The following USF3 variants were observed in gnomAD, a reference collection of about 807,000 sequenced individuals.
USF3 encodes the protein basic helix-loop-helix domain-containing protein USF3.
A neutral mutation model predicts 157.5 loss-of-function variants in USF3; 29 were observed. That is an observed-to-expected ratio of 0.18 (90% CI 0.14 to 0.25). The LOEUF is 0.25. Ranked by LOEUF, USF3 falls within the 10% of genes least tolerant of loss-of-function variation. The pLI is 1.00. For missense variants in USF3, 2,381 were observed against 2,667.6 expected, an observed-to-expected ratio of 0.89 and a Z score of 2.37; for synonymous variants, 893 against 941.4, an observed-to-expected ratio of 0.95 and a Z score of 0.94.
chr3:113,667,268 T>C (rs1303510799), intron 5 of USF3, among the ~76,000 whole-genome samples: 1 of 152,234 alleles, frequency 6.6e-6, no homozygotes, highest in Non-Finnish European at 1.5e-5. Context: ...CACCTGTCCC[T>C]CTACTGCAGA....
Position 113,655,759 on chromosome 3 carries a change from G to A in USF3, c.5923C>T (p.Pro1975Ser). 2 of 1,614,032 alleles carry A rather than the reference G, an allele frequency of 1.2e-6. No homozygotes were observed. Among genetic ancestry groups the A allele is most frequent in the Non-Finnish European group, 1.7e-6 (2 of 1,179,988 alleles). The change falls in exon 7 of 7, where the codon CCC becomes TCC. Residue 1975 changes from proline (P) to serine (S), a missense_variant. Pro to Ser is a moderately conservative substitution (Grantham distance 74, BLOSUM62 -1). Around this residue, in one of 6 missense-constraint regions of USF3, gnomAD observed 770 missense variants for 824.2 expected, o/e 0.93. Transcript: ENST00000316407. ...PAVRQANSSV[P>S]QRSRHPLQDS... ...TGCAGGGGATGCCTTGATCTCTGGG[G>A]AACTGAAGAATTAGCTTGACGTACA...
chr3:113,679,977 C>G (rs1350507179), intron 1 of USF3, among the ~76,000 whole-genome samples: 1 of 141,958 alleles, frequency 7.0e-6, no homozygotes, highest in Non-Finnish European at 1.5e-5. Flanking sequence ...GAGTTTCGCT[C>G]TTTTTGCCCA....
intron 5 of USF3, among the ~76,000 whole-genome samples, chr3:113,667,860 G>A (rs890430189): frequency 8.2e-5 from 12 of 145,744 alleles, no homozygotes; most frequent in African/African-American, 3.1e-4. Context: ...GAGTGAGACT[G>A]TCTCAAAACA....
chr3:113,691,358 A>T (rs1262889798), intron 1 of USF3, among the ~76,000 whole-genome samples: 1 of 151,594 alleles, frequency 6.6e-6, no homozygotes, highest in Non-Finnish European at 1.5e-5. Context: ...CTTCTTATTC[A>T]CTCTTCAACC....
intron 1 of USF3, among the ~76,000 whole-genome samples, chr3:113,694,453 T>C (rs1251899459): frequency 1.3e-5 from 2 of 152,234 alleles, no homozygotes; most frequent in African/African-American, 2.4e-5. Context: ...AGATAAGTAC[T>C]TCAATTCTAA....
At chr3:113,669,931 TTTGACC>T (rs1707110242) in intron 5 of USF3, among the ~76,000 whole-genome samples, 184 bp downstream of exon 5, 1 of 152,176 alleles carries the variant, frequency 6.6e-6, no homozygotes, top group Admixed American at 6.5e-5. Context: ...ATATGGTACA[TTTGACC>T]ATGAAGAAAC....
chr3:113,669,327 A>G (rs1269603088), intron 5 of USF3, among the ~76,000 whole-genome samples: 1 of 151,540 alleles, frequency 6.6e-6, no homozygotes, highest in African/African-American at 2.4e-5. Flanking sequence ...AAAAAAAAAA[A>G]CACAGAAGAA....
chr3:113,689,632 T>C (rs1707641162), intron 1 of USF3, among the ~76,000 whole-genome samples: 1 of 152,214 alleles, frequency 6.6e-6, no homozygotes, highest in Non-Finnish European at 1.5e-5. Context: ...CTTTTCTGCC[T>C]ACAAGTCTAT....
At chr3:113,669,435 ATG>A (rs1207256108) in intron 5 of USF3, among the ~76,000 whole-genome samples, 2 of 152,062 alleles carry the variant, frequency 1.3e-5, no homozygotes. Context: ...GCTGTTTGCT[ATG>A]TGTCTTATTA....
chr3:113,691,143 C>G (rs558714745), intron 1 of USF3, among the ~76,000 whole-genome samples: 1 of 152,248 alleles, frequency 6.6e-6, no homozygotes, highest in South Asian at 2.1e-4. Context: ...GAGCCAAGAT[C>G]GCACCACTGC....
chr3:113,685,624 C>G (rs1707530585), intron 1 of USF3, among the ~76,000 whole-genome samples: 3 of 151,924 alleles, frequency 2.0e-5, no homozygotes, highest in African/African-American at 7.3e-5. Flanking sequence ...TGATGGCCAC[C>G]ACAGATGAGA....
rs530348891 is a variant in USF3 at position 113,667,493 on chromosome 3, T to C, written c.159+2628A>G. Among the ~76,000 whole-genome samples the C allele has an allele frequency of 2.4e-4, 37 of 152,306 alleles. 5 individuals are homozygous for C. Among genetic ancestry groups the C allele is most frequent in the African/African-American group, 8.2e-4 (34 of 41,566 alleles). On this transcript the variant is annotated intron_variant, in intron 5 of 6. Transcript: ENST00000316407. ...TGAGTAGCTACCTAGCTACCTTCCA[T>C]TGAGATGTGGAGAAAGAAAAACAAA...
intron 1 of USF3, among the ~76,000 whole-genome samples, chr3:113,688,993 T>A (rs915735976): frequency 1.6e-4 from 24 of 151,994 alleles, no homozygotes; most frequent in Non-Finnish European, 3.2e-4. Flanking sequence ...ATCATGCCAC[T>A]GCACTCAAGC....
intron 1 of USF3, 83 bp downstream of exon 1, chr3:113,696,287 G>C (rs1004069487): frequency 6.6e-6 from 1 of 152,510 alleles, no homozygotes; most frequent in African/African-American, 2.4e-5. Flanking sequence ...CTGAGCCCGG[G>C]GCCGCCCTCC....
At position 113,659,043 on chromosome 3, in the gene USF3, A is replaced by C; in HGVS notation, c.2639T>G (p.Val880Gly). ...CTTTTCTGCTGACTTAGATTTCGAT[A>C]CAGACTCAGGTATTAATGATTCAGA... ...LSSESLIPES[V>G]SKSKSAEKSS... The change falls in exon 7 of 7, where the codon GTA becomes GGA. Residue 880 changes from valine (V) to glycine (G), a missense_variant. Val to Gly is a moderately radical substitution (Grantham distance 109, BLOSUM62 -3). Coordinates refer to ENST00000316407, the MANE Select transcript of USF3 (RefSeq NM_001009899.4). 1.2e-6 allele frequency: 2 copies of C among 1,614,148 alleles called. No homozygotes were observed. The highest frequency in any genetic ancestry group is 1.7e-6 in the Non-Finnish European group (2 of 1,180,030).
rs1278305789 is a variant in USF3, at chr3:113,660,606, A to G, written c.1076T>C (p.Ile359Thr). The G allele has an allele frequency of 3.7e-6, 6 of 1,614,054 alleles. No individual in the cohort carries two copies. The highest frequency in any genetic ancestry group is 5.1e-6 in the Non-Finnish European group (6 of 1,180,036). The change falls in exon 7 of 7, where the codon ATT becomes ACT. Residue 359 changes from isoleucine to threonine, a missense_variant. Around this residue, in one of 6 missense-constraint regions of USF3, gnomAD observed 1,435 missense variants for 1,550.9 expected, o/e 0.93. Transcript: ENST00000316407. ...RTAGDSSPMS[I>T]SKSADLTSTA... ...ACTTGTCAAGTCTGCACTCTTACTAATGCTCATTGGAGAAGAATCACCTGC... is the reference window on the plus strand; with the variant it reads ...ACTTGTCAAGTCTGCACTCTTACTAGTGCTCATTGGAGAAGAATCACCTGC...
At chr3:113,693,000 T>C (rs2107966569) in intron 1 of USF3, among the ~76,000 whole-genome samples, 1 of 152,346 alleles carries the variant, frequency 6.6e-6, no homozygotes, top group East Asian at 1.9e-4. Flanking sequence ...CTGTCACAAC[T>C]ACAATCACTT....
At position 113,655,514 on chromosome 3, in the gene USF3, C is replaced by T; in HGVS notation, c.6168G>A (p.Gln2056=). Residue 2056 remains glutamine, a synonymous_variant, in exon 7 of 7, where the codon CAG becomes CAA. Coordinates refer to ENST00000316407, the MANE Select transcript of USF3 (RefSeq NM_001009899.4). The part of the protein sequence containing the change: ...QVPNDNSGPD[Q]HTLSQNFGFS... ...AACCAAAATTTTGTGATAGTGTATG[C>T]TGGTCAGGACCTGAATTATCATTAG... is the stretch of plus-strand genomic sequence containing the variant. The T allele has an allele frequency of 6.2e-7, 1 of 1,614,112 alleles. No individual in the cohort carries two copies. Among genetic ancestry groups the T allele is most frequent in the Non-Finnish European group, 8.5e-7 (1 of 1,180,010 alleles).
At position 113,695,853 on chromosome 3, in the gene USF3, C is replaced by T. The variant is rs79663379; in HGVS notation, c.-135+517G>A. Among the ~76,000 whole-genome samples the T allele has an allele frequency of 4.7e-3, 712 of 152,240 alleles. 16 individuals are homozygous for T. Among genetic ancestry groups the T allele is most frequent in the Admixed American group, 0.031 (472 of 15,296 alleles). ...TGCTTCTACTCAGAAAGCAAAAGAA[C>T]GGCTTCTAAAAAGAAAACACAAGCC... On this transcript the variant is annotated intron_variant, in intron 1 of 6. Transcript: ENST00000316407.
Sources: allele counts gnomAD v4.1 joint callset (sites outside exome capture counted in the v4.1 genomes callset), GRCh38; gene constraint gnomAD v4.1.1; regional missense constraint gnomAD v4.1.1; transcripts MANE v1.5; gene names NCBI Gene and HGNC (gene_info 2026-07-23, HGNC 2026-07-21).